Variants in GTF2F2 observed in about 807,000 individuals in gnomAD.
GTF2F2 encodes the protein ATP-dependent helicase GTF2F2.
GTF2F2 carries 23 observed loss-of-function variants against 42.2 expected under a neutral mutation model. That is an observed-to-expected ratio of 0.55 (90% CI 0.39 to 0.77). GTF2F2 has a LOEUF of 0.77. GTF2F2 is among the 30% of genes least tolerant of loss of function. The pLI, the probability that GTF2F2 is intolerant of heterozygous loss-of-function variation, is 0.00. For synonymous variants in GTF2F2, 105 were observed against 100.8 expected, an observed-to-expected ratio of 1.04 and a Z score of -0.25; for missense variants, 261 against 287.2, an observed-to-expected ratio of 0.91 and a Z score of 0.66.
At chr13:45,253,786 A>G (rs1397680443) in intron 6 of GTF2F2, among the ~76,000 whole-genome samples, 1 of 152,176 alleles carries the variant, frequency 6.6e-6, no homozygotes, top group Non-Finnish European at 1.5e-5. Flanking sequence ...TGATAAAAAG[A>G]AAGAAGAGGC....
intron 4 of GTF2F2, among the ~76,000 whole-genome samples, chr13:45,191,225 ATATATATATATATATATAT>A (rs1872630024): frequency 1.7e-5 from 1 of 60,386 alleles, no homozygotes; most frequent in East Asian, 3.2e-4. Context: ...CAAAAAAAAA[ATATATATATATATATATAT>A]ATATATATAT....
intron 6 of GTF2F2, among the ~76,000 whole-genome samples, chr13:45,261,710 T>G (rs1593524126): frequency 6.6e-6 from 1 of 152,156 alleles, no homozygotes; most frequent in Non-Finnish European, 1.5e-5. Context: ...TTACAGTGCC[T>G]GAGCTCCACT....
chr13:45,121,696 A>T (rs1868640414), intron 1 of GTF2F2, among the ~76,000 whole-genome samples: 1 of 152,202 alleles, frequency 6.6e-6, no homozygotes, highest in Non-Finnish European at 1.5e-5. Context: ...TGAGAACAGG[A>T]TCTTTGCCTG....
chr13:45,202,922 C>T (rs906975547), intron 4 of GTF2F2, among the ~76,000 whole-genome samples: 1 of 152,148 alleles, frequency 6.6e-6, no homozygotes, highest in Non-Finnish European at 1.5e-5. Flanking sequence ...CACTGTACTC[C>T]AGCTACTCCA....
rs570370441 is a variant in GTF2F2 at position 45,137,981 on chromosome 13, A to G, written c.140+1175A>G. On this transcript the variant is annotated intron_variant, in intron 2 of 7. Transcript: ENST00000340473. ...AGGCGAGCACATGTTCCTTTTCATA[A>G]TCGGCCACGTCCACATTCCTAAATC... Among the ~76,000 whole-genome samples, 5 of 152,240 alleles carry G rather than the reference A, an allele frequency of 3.3e-5. No homozygotes were observed. The South Asian group carries it at 1.0e-3, about 32-fold the overall frequency.
At chr13:45,170,236 C>T (rs910194960) in intron 4 of GTF2F2, among the ~76,000 whole-genome samples, 1 of 152,136 alleles carries the variant, frequency 6.6e-6, no homozygotes, top group African/African-American at 2.4e-5. Context: ...TTTTCTTGCC[C>T]AGGCTGGTCT....
Position 45,226,146 on chromosome 13 carries a change from T to C in GTF2F2, c.386+18641T>C, listed in dbSNP as rs555799983. 2.0e-5 allele frequency among the ~76,000 whole-genome samples: 3 copies of C among 151,768 alleles called. No homozygotes were observed. In the South Asian group the frequency reaches 6.3e-4, roughly 32 times the overall value. ...GTTGTCCCCAAAGAGAAGGTCTGGG[T>C]GGGTAGGGGAGACTTATTTATAATC... On this transcript the variant is annotated intron_variant, in intron 5 of 7. Transcript: ENST00000340473.
At chr13:45,217,933 T>G (rs1468223813) in intron 5 of GTF2F2, among the ~76,000 whole-genome samples, 1 of 152,220 alleles carries the variant, frequency 6.6e-6, no homozygotes, top group African/African-American at 2.4e-5. Context: ...TCTGGATATA[T>G]TTTAAGAATG....
chr13:45,189,303 T>C (rs941218980), intron 4 of GTF2F2, among the ~76,000 whole-genome samples: 2 of 152,206 alleles, frequency 1.3e-5, no homozygotes, highest in African/African-American at 4.8e-5. Flanking sequence ...CAATCTGTTA[T>C]GATGGACATT....
intron 6 of GTF2F2, among the ~76,000 whole-genome samples, chr13:45,257,040 T>G (rs1876132732): frequency 6.6e-6 from 1 of 152,146 alleles, no homozygotes; most frequent in Admixed American, 6.6e-5. Context: ...TACCCACAGT[T>G]TTTTCACCCA....
chr13:45,166,638 C>T (rs1871311035), intron 4 of GTF2F2, among the ~76,000 whole-genome samples: 4 of 151,932 alleles, frequency 2.6e-5, no homozygotes, highest in Admixed American at 2.6e-4. Flanking sequence ...TCCACTATGA[C>T]CAGACTTTAG....
At chr13:45,221,182 T>C (rs7992430) in intron 5 of GTF2F2, among the ~76,000 whole-genome samples, 15,881 of 152,058 alleles carry the variant, frequency 0.1, 2,230 homozygotes, top group African/African-American at 0.32. Flanking sequence ...GCCCCCAGTC[T>C]TACCCATTTT....
At chr13:45,144,364 ATATGT>A (rs1456381503) in intron 2 of GTF2F2, among the ~76,000 whole-genome samples, 2 of 151,808 alleles carry the variant, frequency 1.3e-5, no homozygotes, top group African/African-American at 2.4e-5. Flanking sequence ...AATGTTTGAT[ATATGT>A]TATATCTTAT....
chr13:45,219,883 A>G (rs1874039602), intron 5 of GTF2F2, among the ~76,000 whole-genome samples: 1 of 152,246 alleles, frequency 6.6e-6, no homozygotes, highest in Non-Finnish European at 1.5e-5. Context: ...AGGAATTAAT[A>G]ATGTTCAGGC....
At chr13:45,244,687 T>C (rs763960885) in intron 5 of GTF2F2, among the ~76,000 whole-genome samples, 1 of 152,228 alleles carries the variant, frequency 6.6e-6, no homozygotes, top group Admixed American at 6.5e-5. Context: ...TTCTCTTTTT[T>C]TGAGACAGAG....
chr13:45,210,133 A>G (rs896409612), intron 5 of GTF2F2, among the ~76,000 whole-genome samples: 4 of 152,294 alleles, frequency 2.6e-5, no homozygotes, highest in African/African-American at 7.2e-5. Context: ...CGTCTTTTCA[A>G]GTGTCACTTG....
chr13:45,209,313 C>T (rs1251198634), intron 5 of GTF2F2, among the ~76,000 whole-genome samples: 3 of 152,190 alleles, frequency 2.0e-5, no homozygotes, highest in Non-Finnish European at 2.9e-5. Flanking sequence ...TAATGTGTAG[C>T]AGAGTATACC....
intron 5 of GTF2F2, among the ~76,000 whole-genome samples, chr13:45,209,234 T>C (rs1873537266): frequency 6.6e-6 from 1 of 152,236 alleles, no homozygotes. Flanking sequence ...ATTTTTTCTG[T>C]TGCTTTTCTG....
chr13:45,251,676 T>G (rs1429543569), intron 5 of GTF2F2, among the ~76,000 whole-genome samples: 4 of 152,154 alleles, frequency 2.6e-5, no homozygotes, highest in Non-Finnish European at 4.4e-5. Flanking sequence ...TCTCACTGCT[T>G]CCTATTGGAT....
Sources: gnomAD v4.1 joint callset for allele counts (sites outside exome capture counted in the v4.1 genomes callset) on GRCh38, gnomAD v4.1.1 for gene constraint, MANE v1.5 for transcripts, NCBI Gene and HGNC (gene_info 2026-07-23, HGNC 2026-07-21) for gene names.